PON2: variants seen among roughly 807,000 people sequenced by gnomAD.
PON2 encodes serum paraoxonase/arylesterase 2.
Under a neutral mutation model 36.6 loss-of-function variants are expected in PON2, and 27 were observed. The ratio of observed to expected loss-of-function variants is 0.74; its 90% CI spans 0.54 to 1.02. The LOEUF is 1.02. PON2 is among the 50% of genes least tolerant of loss of function. PON2 has a pLI of 0.00. For synonymous variants in PON2, 149 were observed against 156.3 expected (o/e 0.95, Z 0.35); for missense variants, 363 against 421.1 (o/e 0.86, Z 1.21).
chr7:95,434,086 C>G (rs867833261), intron 1 of PON2, among the ~76,000 whole-genome samples: 11 of 152,310 alleles, frequency 7.2e-5, no homozygotes, highest in Middle Eastern at 3.4e-3. Context: ...CAGGGCAGAA[C>G]AGCTCACACC....
intron 1 of PON2, among the ~76,000 whole-genome samples, chr7:95,427,873 A>T (rs1054996410): frequency 6.6e-6 from 1 of 152,256 alleles, no homozygotes; most frequent in Non-Finnish European, 1.5e-5. Context: ...TTTTTGGATT[A>T]GATTAATAAA....
At chr7:95,424,333 T>A in intron 2 of PON2, 182 bp downstream of exon 2, 2 of 610,932 alleles carry the variant, frequency 3.3e-6, no homozygotes, top group Non-Finnish European at 5.8e-6. Flanking sequence ...ACAGTGAGGG[T>A]AGGAAAGAAG....
chr7:95,410,086 T>C lies in PON2; in HGVS notation c.510A>G (p.Thr170=), dbSNP rs747223821. 1.9e-6 allele frequency: 3 copies of C among 1,613,434 alleles called. No individual in the cohort carries two copies. Among genetic ancestry groups the C allele is most frequent in the Non-Finnish European group, 2.5e-6 (3 of 1,179,662 alleles). ...HELLPSVNDI[T]AVGPAHFYAT... The stretch of plus-strand genomic sequence containing the variant: ...CATAGAAATGTGCCGGTCCAACAGC[T>C]GTGATGTCATTCACACTGAAAAAGA... Residue 170 remains threonine, a synonymous_variant, in exon 6 of 9, where the codon ACA becomes ACG. Transcript: ENST00000222572.
In PON2 at chr7:95,434,959, G is replaced by A. The variant is rs1046553958; in HGVS notation, c.-8C>T. Reference sequence around the variant, plus strand: ...AGCCACCAGCCGCCCCATGGCGCGGGAGCCGGGCGCGCTGCCTCGCTCCGG... The same window carrying A: ...AGCCACCAGCCGCCCCATGGCGCGGAAGCCGGGCGCGCTGCCTCGCTCCGG... On this transcript the variant is annotated 5_prime_UTR_variant, in exon 1 of 9. Coordinates refer to ENST00000222572, the MANE Select transcript of PON2 (RefSeq NM_000305.3). The A allele has an allele frequency of 1.6e-5, 24 of 1,523,968 alleles. No individual in the cohort carries two copies. The highest frequency in any genetic ancestry group is 2.1e-4 in the Middle Eastern group (1 of 4,700). The allele number at this position is 1,523,968 out of a possible 1,614,324, so 94.4% of individuals were successfully genotyped here.
chr7:95,411,830 T>G, intron 4 of PON2, 51 bp from the exon 5 acceptor site: 2 of 1,595,956 alleles, frequency 1.3e-6, no homozygotes, highest in Non-Finnish European at 1.7e-6. Flanking sequence ...CTACGGGACC[T>G]CTGGGCAGGC....
In PON2 at chr7:95,409,615, A is replaced by G. The variant is rs985530075; in HGVS notation, c.695+286T>C. 4 of 151,184 alleles carry G rather than the reference A, an allele frequency of 2.6e-5. No homozygotes were observed. The Admixed American group carries it at 2.7e-4, about 10-fold the overall frequency. The allele number at this position is 151,184 out of a possible 1,614,324, so 9.4% of individuals were successfully genotyped here. On this transcript the variant is annotated intron_variant, in intron 6 of 8. Coordinates refer to ENST00000222572, the MANE Select transcript of PON2 (RefSeq NM_000305.3). Reference sequence around the variant, plus strand: ...ATTTATAAAATTAAATTTGACAATGATGTATTCCAAACTTTATATATTATA... The same window carrying G: ...ATTTATAAAATTAAATTTGACAATGGTGTATTCCAAACTTTATATATTATA...
intron 3 of PON2, among the ~76,000 whole-genome samples, chr7:95,413,540 T>C (rs1406003702): frequency 6.6e-6 from 1 of 152,238 alleles, no homozygotes; most frequent in Non-Finnish European, 1.5e-5. Flanking sequence ...GTATTGAATT[T>C]TATTAAATGC....
rs554689413 is a variant in PON2 at position 95,406,565 on chromosome 7, TAATC to T, written c.778-322_778-319del. On this transcript the variant is annotated intron_variant, in intron 7 of 8. Coordinates refer to ENST00000222572, the MANE Select transcript of PON2 (RefSeq NM_000305.3). Reference sequence around the variant, plus strand: ...CAATCAAAGCAAGATAGGAAATTCTTAATCAACCTAAAATATGTGTTGTTGAGTA... The same window carrying T: ...CAATCAAAGCAAGATAGGAAATTCTTAACCTAAAATATGTGTTGTTGAGTA... Among the ~76,000 whole-genome samples the T allele has an allele frequency of 5.2e-4, 79 of 152,352 alleles. No individual in the cohort carries two copies. The East Asian group carries it at 5.4e-3, about 10-fold the overall frequency.
At chr7:95,409,199 C>G (rs1314642089) in intron 6 of PON2, among the ~76,000 whole-genome samples, 1 of 152,044 alleles carries the variant, frequency 6.6e-6, no homozygotes, top group Admixed American at 6.5e-5. Context: ...ATAATCCCAG[C>G]TACTTGGGAG....
chr7:95,433,958 A>G (rs740265), intron 1 of PON2, among the ~76,000 whole-genome samples: 47,749 of 152,090 alleles, frequency 0.31, 7,721 homozygotes, highest in East Asian at 0.44. Context: ...CTTCCCCTGT[A>G]TCAAACTCCA....
rs1809677251 is a variant in PON2, at chr7:95,406,006, T to C, written c.906+113A>G. On this transcript the variant is annotated intron_variant, in intron 8 of 8. Transcript: ENST00000222572. ...CAATTACAAAACCACGACATAAGCT[T>C]ATTATATTATTGCTTTAAAATAACT... 2.4e-6 allele frequency: 3 copies of C among 1,248,708 alleles called. No homozygotes were observed. In the Admixed American group the frequency reaches 6.1e-5, roughly 25 times the overall value. 77.4% of individuals were successfully genotyped at this position (1,248,708 alleles called of 1,614,324 possible). A position where few individuals can be genotyped will look rare whatever the true frequency, so the allele number is the denominator to read the frequency against.
intron 2 of PON2, among the ~76,000 whole-genome samples, chr7:95,417,716 C>CACACACACACACACAG (rs772303220): frequency 0.056 from 8,276 of 148,778 alleles, 295 homozygotes; most frequent in Non-Finnish European, 0.064. Flanking sequence ...CACACACACA[C>CACACACACACACACAG]ACACACACAC....
Position 95,405,359 on chromosome 7 carries a change from A to T in PON2, c.1036T>A (p.Tyr346Asn). Residue 346 changes from tyrosine (Y) to asparagine (N), a missense_variant, in exon 9 of 9, where the codon TAC becomes AAC. Coordinates refer to ENST00000222572, the MANE Select transcript of PON2 (RefSeq NM_000305.3). ...AGTTCACAATACAAGGCTCTGTGGTATAAAGTGCCTATGAGCAGCTTCCCA... is the reference window on the plus strand; with the variant it reads ...AGTTCACAATACAAGGCTCTGTGGTTTAAAGTGCCTATGAGCAGCTTCCCA... ...YDGKLLIGTL[Y>N]HRALYCEL 6.2e-7 allele frequency: 1 copy of T among 1,613,958 alleles called. No individual in the cohort carries two copies. The highest frequency in any genetic ancestry group is 1.1e-5 in the South Asian group (1 of 91,078).
chr7:95,422,081 T>C (rs1444214724), intron 2 of PON2, among the ~76,000 whole-genome samples: 2 of 152,224 alleles, frequency 1.3e-5, no homozygotes, highest in Non-Finnish European at 2.9e-5. Flanking sequence ...ACAGCAATGA[T>C]GTTCACTGAT....
chr7:95,424,208 G>A, intron 2 of PON2: 2 of 392,650 alleles, frequency 5.1e-6, no homozygotes, highest in South Asian at 2.4e-5. Flanking sequence ...AACACAGACT[G>A]CAGCGGCCAT....
chr7:95,425,807 C>CA (rs1314028567), intron 1 of PON2, among the ~76,000 whole-genome samples: 1 of 151,790 alleles, frequency 6.6e-6, no homozygotes, highest in Non-Finnish European at 1.5e-5. Context: ...TCATGTAACT[C>CA]AAATAATGTT....
chr7:95,406,054 T>C (rs1464763294), intron 8 of PON2, 65 bp downstream of exon 8: 1 of 1,517,020 alleles, frequency 6.6e-7, no homozygotes, highest in Non-Finnish European at 9.1e-7. Flanking sequence ...CCTGTGACAA[T>C]TTATTGTATT....
intron 2 of PON2, among the ~76,000 whole-genome samples, chr7:95,421,224 G>T (rs1280778884): frequency 6.6e-6 from 1 of 152,168 alleles, no homozygotes; most frequent in African/African-American, 2.4e-5. Flanking sequence ...TACAAATGTT[G>T]CTGGGCTTGT....
intron 2 of PON2, 86 bp from the exon 3 acceptor site, chr7:95,416,383 CAG>C (rs1789062782): frequency 7.0e-7 from 1 of 1,420,572 alleles, no homozygotes; most frequent in South Asian, 1.2e-5. Flanking sequence ...TTTACTTTAT[CAG>C]AGTGACTGTA....
Sources: allele counts gnomAD v4.1 joint callset (sites outside exome capture counted in the v4.1 genomes callset), GRCh38; gene constraint gnomAD v4.1.1; transcripts MANE v1.5; gene names NCBI Gene and HGNC (gene_info 2026-07-23, HGNC 2026-07-21).